TRAPPC8: variants seen among roughly 807,000 people sequenced by gnomAD.
The protein encoded by TRAPPC8 is trafficking protein particle complex subunit 8.
TRAPPC8 carries 54 observed loss-of-function variants against 174.3 expected under a neutral mutation model. The observed-to-expected ratio is 0.31, with a 90% CI of 0.25 to 0.39. TRAPPC8 has a LOEUF of 0.39. TRAPPC8 is among the 10% of genes least tolerant of loss of function. The pLI is 1.00. For missense variants in TRAPPC8, 1,531 were observed against 1,699.1 expected (o/e 0.90, Z 1.74); for synonymous variants, 630 against 579.9 (o/e 1.09, Z -1.24).
intron 12 of TRAPPC8, 138 bp from the exon 13 acceptor site, chr18:31,874,842 A>T (rs2035064961): frequency 8.7e-6 from 6 of 687,816 alleles, no homozygotes; most frequent in Non-Finnish European, 1.4e-5. Context: ...AAGAAAATAA[A>T]ACTAACATTT....
At chr18:31,867,975 T>C (rs1598633861) in intron 16 of TRAPPC8, among the ~76,000 whole-genome samples, 1 of 152,310 alleles carries the variant, frequency 6.6e-6, no homozygotes, top group Non-Finnish European at 1.5e-5. Context: ...AATGGTCATT[T>C]AATTTAATCT....
chr18:31,928,348 C>T (rs867813793), intron 2 of TRAPPC8, among the ~76,000 whole-genome samples: 3,305 of 150,698 alleles, frequency 0.022, 128 homozygotes, highest in African/African-American at 0.075. Flanking sequence ...CACACACACA[C>T]ACACACACAC....
chr18:31,930,310 G>A (rs1431030119), intron 2 of TRAPPC8, among the ~76,000 whole-genome samples: 2 of 151,932 alleles, frequency 1.3e-5, no homozygotes, highest in Middle Eastern at 3.4e-3. Flanking sequence ...AGTAGAGACG[G>A]GGTTTCACTA....
At chr18:31,942,320 C>T (rs1371104158) in intron 1 of TRAPPC8, among the ~76,000 whole-genome samples, 1 of 152,214 alleles carries the variant, frequency 6.6e-6, no homozygotes, top group African/African-American at 2.4e-5. Context: ...GTCTCAATGC[C>T]GTTCTCGAAG....
At chr18:31,896,563 T>G (rs192268095) in intron 11 of TRAPPC8, among the ~76,000 whole-genome samples, 38 of 152,070 alleles carry the variant, frequency 2.5e-4, no homozygotes, top group African/African-American at 8.9e-4. Context: ...GGTAAAAAAT[T>G]TTATGGGTTT....
intron 1 of TRAPPC8, among the ~76,000 whole-genome samples, chr18:31,940,689 G>C (rs1348362651): frequency 6.6e-6 from 1 of 151,866 alleles, no homozygotes; most frequent in Admixed American, 6.6e-5. Flanking sequence ...AGTAGAAACG[G>C]GGTTTCACCA....
Position 31,917,718 on chromosome 18 carries a change from T to C in TRAPPC8, c.353-51A>G, listed in dbSNP as rs774664325. 5 of 1,511,534 alleles carry C rather than the reference T, an allele frequency of 3.3e-6. No individual in the cohort carries two copies. The East Asian group carries it at 9.1e-5, about 27-fold the overall frequency. The allele number at this position is 1,511,534 out of a possible 1,614,324, so 93.6% of individuals were successfully genotyped here. On this transcript the variant is annotated intron_variant, in intron 2 of 28. Transcript: ENST00000283351. ...TTAAAAGTATTCAATAGAATCAGTT[T>C]ACAACAGACAAAATTTCAAGTCCAT...
chr18:31,926,098 C>T (rs2037603200), intron 2 of TRAPPC8, among the ~76,000 whole-genome samples: 1 of 152,132 alleles, frequency 6.6e-6, no homozygotes, highest in African/African-American at 2.4e-5. Context: ...TAAAATTGAA[C>T]ACCATTTCCC....
chr18:31,854,161 T>C (rs970191151), intron 21 of TRAPPC8, among the ~76,000 whole-genome samples: 1 of 152,226 alleles, frequency 6.6e-6, no homozygotes, highest in Non-Finnish European at 1.5e-5. Flanking sequence ...CTATAATGCA[T>C]ACTCAATGGT....
At chr18:31,846,939 G>A (rs1051957060) in intron 25 of TRAPPC8, 122 bp from the exon 26 acceptor site, 5 of 553,220 alleles carry the variant, frequency 9.0e-6, no homozygotes, top group African/African-American at 1.9e-5. Context: ...TGACACTCCT[G>A]GCAATGTCAC....
At chr18:31,917,758 TA>T (rs142490752) in intron 2 of TRAPPC8, 91 bp from the exon 3 acceptor site, 177,370 of 1,031,208 alleles carry the variant, frequency 0.17, 16,965 homozygotes, top group South Asian at 0.33. Flanking sequence ...CTAAAAGGTA[TA>T]AAAAAAAAAT....
chr18:31,886,978 C>T (rs557312900), intron 12 of TRAPPC8, among the ~76,000 whole-genome samples: 1 of 152,206 alleles, frequency 6.6e-6, no homozygotes, highest in East Asian at 1.9e-4. Flanking sequence ...CACACACACA[C>T]TTCTGGGGCA....
chr18:31,916,673 T>C (rs1159928259), intron 3 of TRAPPC8, among the ~76,000 whole-genome samples: 2 of 152,142 alleles, frequency 1.3e-5, no homozygotes, highest in South Asian at 2.1e-4. Flanking sequence ...GCTGGGATTA[T>C]AGGCGCAAGC....
chr18:31,913,928 G>C (rs2037024388), intron 4 of TRAPPC8, among the ~76,000 whole-genome samples: 2 of 151,954 alleles, frequency 1.3e-5, no homozygotes, highest in African/African-American at 4.8e-5. Context: ...CACTTTGGAA[G>C]GCCAAGGTGG....
At chr18:31,843,604 A>C (rs535318667) in intron 26 of TRAPPC8, among the ~76,000 whole-genome samples, 1 of 152,314 alleles carries the variant, frequency 6.6e-6, no homozygotes, top group South Asian at 2.1e-4. Context: ...ATCTGGTTAA[A>C]ATATTTTTGG....
chr18:31,929,417 C>G (rs909411741), intron 2 of TRAPPC8, among the ~76,000 whole-genome samples: 3 of 151,848 alleles, frequency 2.0e-5, no homozygotes, highest in African/African-American at 7.3e-5. Context: ...GTCCTAATTA[C>G]TTGGGAGGCT....
chr18:31,843,018 G>A (rs1327002230), intron 26 of TRAPPC8, among the ~76,000 whole-genome samples: 1 of 151,960 alleles, frequency 6.6e-6, no homozygotes, highest in Non-Finnish European at 1.5e-5. Flanking sequence ...ATCTAAAGGT[G>A]AATATATTTT....
intron 26 of TRAPPC8, among the ~76,000 whole-genome samples, chr18:31,841,622 G>C (rs1486503241): frequency 6.6e-6 from 1 of 151,980 alleles, no homozygotes; most frequent in Admixed American, 6.6e-5. Flanking sequence ...TACTGCTTTG[G>C]CAATTAAATT....
intron 24 of TRAPPC8, among the ~76,000 whole-genome samples, chr18:31,851,542 G>T (rs1350116370): frequency 6.6e-6 from 1 of 151,270 alleles, no homozygotes; most frequent in Non-Finnish European, 1.5e-5. Flanking sequence ...AAGAGACAGG[G>T]TCTTGCCTTG....
Sources: gnomAD v4.1 joint callset for allele counts (sites outside exome capture counted in the v4.1 genomes callset) on GRCh38, gnomAD v4.1.1 for gene constraint, MANE v1.5 for transcripts, NCBI Gene and HGNC (gene_info 2026-07-23, HGNC 2026-07-21) for gene names.